Variants in MACROD2 observed in about 807,000 individuals in gnomAD.
MACROD2 encodes mono-ADP ribosylhydrolase 2.
A neutral mutation model predicts 70.4 loss-of-function variants in MACROD2; 36 were observed. The observed-to-expected ratio is 0.51, with a 90% CI of 0.39 to 0.68. MACROD2 has a LOEUF of 0.68. MACROD2 is among the 30% of genes least tolerant of loss of function. The pLI is 0.00. For synonymous variants in MACROD2, 172 were observed against 178.8 expected, an observed-to-expected ratio of 0.96 and a Z score of 0.30; for missense variants, 496 against 538.4, an observed-to-expected ratio of 0.92 and a Z score of 0.78.
intron 10 of MACROD2, among the ~76,000 whole-genome samples, chr20:15,911,297 A>T (rs1265233734): frequency 6.6e-6 from 1 of 152,240 alleles, no homozygotes; most frequent in Non-Finnish European, 1.5e-5. Flanking sequence ...AACAGGGAAA[A>T]TAGACGGTAT....
intron 3 of MACROD2, among the ~76,000 whole-genome samples, chr20:14,470,887 G>T (rs2084522346): frequency 6.6e-6 from 1 of 152,172 alleles, no homozygotes; most frequent in African/African-American, 2.4e-5. Flanking sequence ...TGCTGAACTA[G>T]ACCACTTGGT....
chr20:14,704,546 T>C (rs2071245213), intron 5 of MACROD2, among the ~76,000 whole-genome samples: 1 of 152,178 alleles, frequency 6.6e-6, no homozygotes, highest in African/African-American at 2.4e-5. Context: ...GATTCTTGTC[T>C]CAAGATCTTC....
intron 3 of MACROD2, among the ~76,000 whole-genome samples, chr20:14,121,293 C>T (rs2054585812): frequency 6.6e-6 from 1 of 152,124 alleles, no homozygotes; most frequent in Non-Finnish European, 1.5e-5. Flanking sequence ...GATGGGGAAA[C>T]AGAGTCCTAG....
At position 14,855,404 on chromosome 20, in the gene MACROD2, C is replaced by T. The variant is rs76609316; in HGVS notation, c.418+170445C>T. ...ATCCAAGTCCTTAAAAGGGACCTGG[C>T]GGGGGAAGGTCCCTGAAGCTTAAGC... is the stretch of plus-strand genomic sequence containing the variant. On this transcript the variant is annotated intron_variant, in intron 5 of 17. Coordinates refer to ENST00000684519, the MANE Select transcript of MACROD2 (RefSeq NM_001351661.2). Among the ~76,000 whole-genome samples, 677 of 152,160 alleles carry T rather than the reference C, an allele frequency of 4.4e-3. 10 individuals carry two copies. Among genetic ancestry groups the T allele is most frequent in the African/African-American group, 0.015 (629 of 41,508 alleles).
chr20:14,102,580 T>A (rs1453597791), intron 3 of MACROD2, among the ~76,000 whole-genome samples: 1 of 152,170 alleles, frequency 6.6e-6, no homozygotes, highest in Non-Finnish European at 1.5e-5. Context: ...TCAAACTAAG[T>A]CAGCCAAAGG....
chr20:14,414,177 G>A (rs1018195487), intron 3 of MACROD2, among the ~76,000 whole-genome samples: 1 of 152,026 alleles, frequency 6.6e-6, no homozygotes, highest in Non-Finnish European at 1.5e-5. Flanking sequence ...AGACATCTCG[G>A]CTTAGATTTC....
At chr20:14,705,020 T>G (rs1019854132) in intron 5 of MACROD2, among the ~76,000 whole-genome samples, 1 of 152,032 alleles carries the variant, frequency 6.6e-6, no homozygotes, top group African/African-American at 2.4e-5. Flanking sequence ...CACATTCAGA[T>G]AGTAAAATGA....
chr20:15,164,001 A>C (rs190779910), intron 5 of MACROD2, among the ~76,000 whole-genome samples: 1 of 152,234 alleles, frequency 6.6e-6, no homozygotes, highest in Non-Finnish European at 1.5e-5. Flanking sequence ...GACAAAAAGT[A>C]AAGTAAATAA....
chr20:14,113,812 T>C (rs1315329064), intron 3 of MACROD2, among the ~76,000 whole-genome samples: 1 of 152,140 alleles, frequency 6.6e-6, no homozygotes, highest in Non-Finnish European at 1.5e-5. Flanking sequence ...ATTTCTCTTA[T>C]GATTCCCTTT....
chr20:14,652,003 A>G (rs1013474160), intron 4 of MACROD2, among the ~76,000 whole-genome samples: 5 of 152,248 alleles, frequency 3.3e-5, no homozygotes, highest in African/African-American at 1.2e-4. Flanking sequence ...TATATGCTAA[A>G]CAGTTGTAGT....
At chr20:14,674,780 C>T (rs1335722610) in intron 4 of MACROD2, among the ~76,000 whole-genome samples, 1 of 152,160 alleles carries the variant, frequency 6.6e-6, no homozygotes, top group Non-Finnish European at 1.5e-5. Context: ...AGTTGTTTAA[C>T]AAATTTATGG....
At chr20:15,757,635 C>T (rs2051367099) in intron 8 of MACROD2, among the ~76,000 whole-genome samples, 1 of 152,148 alleles carries the variant, frequency 6.6e-6, no homozygotes, top group Non-Finnish European at 1.5e-5. Context: ...ATCTAAACAA[C>T]AGACATTTAT....
At chr20:15,465,754 C>A (rs2046879426) in intron 7 of MACROD2, among the ~76,000 whole-genome samples, 1 of 152,208 alleles carries the variant, frequency 6.6e-6, no homozygotes, top group African/African-American at 2.4e-5. Context: ...AAAGACCTTG[C>A]ATGAAGATCT....
At chr20:16,029,897 T>G (rs1348859702) in intron 15 of MACROD2, among the ~76,000 whole-genome samples, 1 of 152,044 alleles carries the variant, frequency 6.6e-6, no homozygotes, top group Non-Finnish European at 1.5e-5. Flanking sequence ...AAATAGAAAA[T>G]TTAAGAGGAC....
At chr20:14,096,501 G>A (rs576337030) in intron 3 of MACROD2, among the ~76,000 whole-genome samples, 4 of 151,692 alleles carry the variant, frequency 2.6e-5, no homozygotes, top group Non-Finnish European at 5.9e-5. Context: ...TGAGTAGCTG[G>A]GATTACAGGC....
At chr20:15,875,346 A>G (rs182241676) in intron 9 of MACROD2, among the ~76,000 whole-genome samples, 7 of 152,292 alleles carry the variant, frequency 4.6e-5, no homozygotes, top group Admixed American at 4.6e-4. Flanking sequence ...CAATGTAGAG[A>G]AAAACTAGAG....
chr20:14,252,457 C>T (rs1009964760), intron 3 of MACROD2, among the ~76,000 whole-genome samples: 1 of 151,924 alleles, frequency 6.6e-6, no homozygotes, highest in Non-Finnish European at 1.5e-5. Context: ...TTAAAATCTA[C>T]TGATTTTTTT....
intron 5 of MACROD2, among the ~76,000 whole-genome samples, chr20:14,966,196 A>G (rs558441803): frequency 2.5e-4 from 38 of 152,246 alleles, no homozygotes; most frequent in Middle Eastern, 3.4e-3. Flanking sequence ...TTGACGATGG[A>G]TTATGTTTTT....
At chr20:15,092,418 C>A (rs1231929308) in intron 5 of MACROD2, among the ~76,000 whole-genome samples, 2 of 147,930 alleles carry the variant, frequency 1.4e-5, no homozygotes, top group African/African-American at 2.5e-5. Context: ...TAAATATTTT[C>A]ATTATAATTA....
Sources: allele counts gnomAD v4.1 joint callset (sites outside exome capture counted in the v4.1 genomes callset), GRCh38; gene constraint gnomAD v4.1.1; transcripts MANE v1.5; gene names NCBI Gene and HGNC (gene_info 2026-07-23, HGNC 2026-07-21).